The following PCSK6 variants were observed in gnomAD, a reference collection of about 807,000 sequenced individuals.
The protein encoded by PCSK6 is paired basic amino acid cleaving enzyme 4.
In PCSK6, 85 loss-of-function variants were observed where a neutral mutation model predicts 123.3. The observed-to-expected ratio is 0.69, with a 90% CI of 0.58 to 0.83. The LOEUF is 0.83. Among genes scored for constraint, PCSK6 ranks in the 40% least tolerant of loss-of-function variants. The pLI, the probability that PCSK6 is intolerant of heterozygous loss-of-function variation, is 0.00. For missense variants in PCSK6, 1,191 were observed against 1,282.3 expected (o/e 0.93, Z 1.09); for synonymous variants, 508 against 516.0 (o/e 0.98, Z 0.21).
At chr15:101,347,283 G>C (rs2040759820) in intron 13 of PCSK6, 2 of 1,232,746 alleles carry the variant, frequency 1.6e-6, no homozygotes, top group Admixed American at 4.2e-5. Flanking sequence ...ATGAAGATTA[G>C]CTCAAAAGAG....
intron 1 of PCSK6, among the ~76,000 whole-genome samples, chr15:101,452,292 T>C (rs1266752662): frequency 6.6e-6 from 1 of 152,204 alleles, no homozygotes; most frequent in Non-Finnish European, 1.5e-5. Context: ...GGTCTCGGCC[T>C]ATATTTTCAA....
chr15:101,447,335 C>T (rs917184881), intron 1 of PCSK6, among the ~76,000 whole-genome samples: 1 of 152,096 alleles, frequency 6.6e-6, no homozygotes, highest in Non-Finnish European at 1.5e-5. Context: ...ACATGAAGGA[C>T]ACCTGGCTGC....
intron 6 of PCSK6, among the ~76,000 whole-genome samples, chr15:101,416,215 A>C (rs1245482480): frequency 2.0e-5 from 3 of 152,148 alleles, no homozygotes; most frequent in African/African-American, 7.2e-5. Context: ...GAGATGAGGA[A>C]CTCATTGGGA....
chr15:101,434,766 C>A (rs1258641565), intron 2 of PCSK6, among the ~76,000 whole-genome samples: 1 of 151,080 alleles, frequency 6.6e-6, no homozygotes, highest in Non-Finnish European at 1.5e-5. Context: ...AGACGGGATG[C>A]AGGCAGACAG....
chr15:101,359,748 A>G (rs939415322), intron 13 of PCSK6, among the ~76,000 whole-genome samples: 4 of 152,254 alleles, frequency 2.6e-5, no homozygotes, highest in Admixed American at 6.5e-5. Context: ...CTGCAAGCCT[A>G]AAGCTCGCTC....
In PCSK6 at chr15:101,452,774, T is replaced by C. The variant is rs1422344564; in HGVS notation, c.298-9114A>G. 3.3e-5 allele frequency among the ~76,000 whole-genome samples: 5 copies of C among 150,868 alleles called. No homozygotes were observed. In the South Asian group the frequency reaches 6.4e-4, roughly 19 times the overall value. On this transcript the variant is annotated intron_variant, in intron 1 of 21. Transcript: ENST00000611716. ...TTACCCACAGAGCACAGATGGAACA[T>C]GTTACTACATTAGGGGCCCTTACAA...
chr15:101,471,433 T>C (rs1446405741), intron 1 of PCSK6, among the ~76,000 whole-genome samples: 6 of 152,248 alleles, frequency 3.9e-5, no homozygotes, highest in Non-Finnish European at 8.8e-5. Context: ...CAGACATCCA[T>C]ATGCCCATTA....
intron 5 of PCSK6, 94 bp from the exon 6 acceptor site, chr15:101,428,074 T>G (rs1269589753): frequency 8.8e-6 from 9 of 1,023,526 alleles, no homozygotes; most frequent in Non-Finnish European, 2.9e-6. Flanking sequence ...GAGAGTCAGT[T>G]GTCCGAAGCC....
At chr15:101,410,785 G>T (rs939642545) in intron 6 of PCSK6, among the ~76,000 whole-genome samples, 2 of 152,188 alleles carry the variant, frequency 1.3e-5, no homozygotes, top group African/African-American at 4.8e-5. Flanking sequence ...AAGCCTCTGC[G>T]CTGCCTCTTG....
chr15:101,355,088 G>T (rs1351521199), intron 13 of PCSK6, among the ~76,000 whole-genome samples: 1 of 152,176 alleles, frequency 6.6e-6, no homozygotes, highest in African/African-American at 2.4e-5. Context: ...AAATAATGCT[G>T]TTGAAATAAT....
At position 101,443,617 on chromosome 15, in the gene PCSK6, G is replaced by A. The variant is rs750439449; in HGVS notation, c.341C>T (p.Thr114Ile). Residue 114 changes from threonine to isoleucine, a missense_variant, in exon 2 of 22, where the codon ACC becomes ATC. Physicochemically the swap from Thr to Ile is moderately conservative, Grantham distance 89. Coordinates refer to ENST00000611716, the MANE Select transcript of PCSK6 (RefSeq NM_002570.5). ...EDYYHFYHSK[T>I]FKRSTLSSRG... is the part of the protein sequence containing the mutation. ...GCTACTCAAGGTTGATCTTTTAAAG[G>A]TTTTGCTGTGATAAAAATGGTAGTA... The A allele has an allele frequency of 2.5e-6, 4 of 1,613,792 alleles. No individual in the cohort carries two copies. In the South Asian group the frequency reaches 4.4e-5, roughly 18 times the overall value.
chr15:101,398,486 C>A lies in PCSK6; in HGVS notation c.914G>T (p.Ser305Ile), dbSNP rs2141574927. ...CTTGCCGTCGTCGTCCGGCCCCCAGCTGGCACTGTAAATGTCGATGTAGTT... is the reference window on the plus strand; with the variant it reads ...CTTGCCGTCGTCGTCCGGCCCCCAGATGGCACTGTAAATGTCGATGTAGTT... ...RPNYIDIYSA[S>I]WGPDDDGKTV... Residue 305 changes from serine (S) to isoleucine (I), a missense_variant, in exon 7 of 22, where the codon AGC (serine) becomes ATC (isoleucine). By Grantham distance (142) the Ser-to-Ile change is moderately radical. Transcript: ENST00000611716. This position sits in a 1 kb window ranked among gnomAD's most constrained non-coding sequence, Gnocchi z 4.6. 6.2e-7 allele frequency: 1 copy of A among 1,614,016 alleles called. No individual in the cohort carries two copies. The highest frequency in any genetic ancestry group is 8.5e-7 in the Non-Finnish European group (1 of 1,179,868).
At chr15:101,457,881 T>G (rs1435479441) in intron 1 of PCSK6, among the ~76,000 whole-genome samples, 23 of 152,256 alleles carry the variant, frequency 1.5e-4, no homozygotes, top group Admixed American at 1.5e-3. Context: ...AAACATTTTT[T>G]AAGTCCAAAA....
At chr15:101,387,146 A>C (rs4246335) in intron 9 of PCSK6, among the ~76,000 whole-genome samples, 99,305 of 152,034 alleles carry the variant, frequency 0.65, 32,921 homozygotes, top group Admixed American at 0.74. Context: ...AGTCTCCAGG[A>C]CTTTCCCTGC....
chr15:101,317,830 A>G (rs2040026906), intron 19 of PCSK6, among the ~76,000 whole-genome samples: 1 of 152,196 alleles, frequency 6.6e-6, no homozygotes, highest in Non-Finnish European at 1.5e-5. Context: ...TTCAAATTTA[A>G]AAACATGGTT....
intron 1 of PCSK6, among the ~76,000 whole-genome samples, chr15:101,470,008 C>T (rs28507262): frequency 0.041 from 6,231 of 152,168 alleles, 296 homozygotes; most frequent in African/African-American, 0.11. Context: ...GTGCTCACTT[C>T]GGGACTGGCA....
intron 6 of PCSK6, among the ~76,000 whole-genome samples, chr15:101,426,504 A>C (rs1339077764): frequency 6.6e-6 from 1 of 152,252 alleles, no homozygotes; most frequent in Non-Finnish European, 1.5e-5. Context: ...GAGCCAGGCC[A>C]GTTGACAGAG....
chr15:101,398,716 A>C lies in PCSK6; in HGVS notation c.824-140T>G. 1.1e-6 allele frequency: 1 copy of C among 915,258 alleles called. No homozygotes were observed. Among genetic ancestry groups the C allele is most frequent in the Non-Finnish European group, 1.6e-6 (1 of 629,406 alleles). 56.7% of individuals were successfully genotyped at this position (915,258 alleles called of 1,614,324 possible). On this transcript the variant is annotated intron_variant, in intron 6 of 21. Coordinates refer to ENST00000611716, the MANE Select transcript of PCSK6 (RefSeq NM_002570.5). The surrounding 1 kb of genome is among the most constrained non-coding windows in gnomAD (Gnocchi z 4.6). ...AGGGGCTGTTCCCAGTCATTCTGCA[A>C]AACTGGCTCCTCTTCTCCATGCTGG...
At chr15:101,310,950 C>G (rs79238318) in intron 20 of PCSK6, among the ~76,000 whole-genome samples, 4,593 of 152,248 alleles carry the variant, frequency 0.03, 186 homozygotes, top group African/African-American at 0.085. Context: ...TTTGTCCCCT[C>G]CAAGTGTCAT....
Sources: gnomAD v4.1 joint callset for allele counts (sites outside exome capture counted in the v4.1 genomes callset) on GRCh38, gnomAD v4.1.1 for gene constraint, Gnocchi (gnomAD v3.1) non-coding constraint, MANE v1.5 for transcripts, NCBI Gene and HGNC (gene_info 2026-07-23, HGNC 2026-07-21) for gene names.